The following APBB2 variants were observed in gnomAD, a reference collection of about 807,000 sequenced individuals.
APBB2 encodes amyloid beta precursor protein binding family B member 2.
In APBB2, 38 loss-of-function variants were observed where a neutral mutation model predicts 82.5. That is an observed-to-expected ratio of 0.46 (90% CI 0.36 to 0.60). APBB2 has a LOEUF of 0.60. Among genes scored for constraint, APBB2 ranks in the 20% least tolerant of loss-of-function variants. The probability of loss-of-function intolerance (pLI) is 0.00; values close to 1 mark genes in which losing one functional copy is unlikely to be tolerated. For missense variants in APBB2, 772 were observed against 972.3 expected (o/e 0.79, Z 2.74); for synonymous variants, 341 against 368.2 (o/e 0.93, Z 0.85).
intron 4 of APBB2, among the ~76,000 whole-genome samples, chr4:41,045,225 C>T (rs758448325): frequency 2.8e-4 from 42 of 151,804 alleles, no homozygotes; most frequent in Non-Finnish European, 5.7e-4. Context: ...CTTTCATCTC[C>T]TGTATAATTT....
chr4:40,830,781 G>T (rs1379280611), intron 12 of APBB2, among the ~76,000 whole-genome samples: 1 of 152,134 alleles, frequency 6.6e-6, no homozygotes, highest in Admixed American at 6.5e-5. Flanking sequence ...AAATACCTAC[G>T]ATGTGGGCTA....
At chr4:41,024,183 C>T (rs1712975826) in intron 5 of APBB2, among the ~76,000 whole-genome samples, 1 of 152,158 alleles carries the variant, frequency 6.6e-6, no homozygotes, top group Admixed American at 6.5e-5. Flanking sequence ...AAAATCAACT[C>T]AAGATGAATT....
chr4:41,135,772 A>G (rs553778952), intron 2 of APBB2, among the ~76,000 whole-genome samples: 1 of 152,376 alleles, frequency 6.6e-6, no homozygotes, highest in South Asian at 2.1e-4. Context: ...TGTATTTGTC[A>G]TAAACATCCT....
intron 12 of APBB2, chr4:40,848,894 T>C (rs1758461653): frequency 5.1e-6 from 5 of 985,366 alleles, no homozygotes; most frequent in Non-Finnish European, 6.0e-6. Flanking sequence ...CCAGTCATTG[T>C]CAACATTCAC....
chr4:41,014,409 A>T lies in APBB2; in HGVS notation c.20-11T>A. The T allele has an allele frequency of 6.2e-7, 1 of 1,612,068 alleles. No individual in the cohort carries two copies. The highest frequency in any genetic ancestry group is 8.5e-7 in the Non-Finnish European group (1 of 1,178,778). On this transcript the variant is annotated splice_polypyrimidine_tract_variant and intron_variant, in intron 5 of 17. Transcript: ENST00000508593. ...CAACACCTGAGTCAGCTGGGGAAAA[A>T]AAAAGTCATTAGACACCTGCCATGA... is the stretch of plus-strand genomic sequence containing the variant.
At position 41,063,924 on chromosome 4, in the gene APBB2, C is replaced by T. The variant is rs1281039748; in HGVS notation, c.-51+1652G>A. ...AAACTCCTGGGCTCAAGTGATCTGC[C>T]TACCTCAGCCTCCCAAAATGCTGGG... On this transcript the variant is annotated intron_variant, in intron 4 of 17. Coordinates refer to ENST00000508593, the MANE Select transcript of APBB2 (RefSeq NM_004307.2). 2.7e-5 allele frequency among the ~76,000 whole-genome samples: 4 copies of T among 149,586 alleles called. No individual in the cohort carries two copies. In the Admixed American group the frequency reaches 2.7e-4, roughly 10 times the overall value.
chr4:40,955,330 T>A (rs1791323922), intron 6 of APBB2, among the ~76,000 whole-genome samples: 1 of 152,220 alleles, frequency 6.6e-6, no homozygotes, highest in African/African-American at 2.4e-5. Flanking sequence ...TGTATGTCAT[T>A]ACAACAGAAA....
chr4:40,987,469 T>C lies in APBB2; in HGVS notation c.835+26114A>G, dbSNP rs1800693558. 5.3e-5 allele frequency among the ~76,000 whole-genome samples: 8 copies of C among 152,344 alleles called. No homozygotes were observed. The South Asian group carries it at 1.4e-3, about 28-fold the overall frequency. ...TAATGTGCCTCGTTCTCTTTAAGTA[T>C]TGATTTGTGCCTAAAGGATAAGATG... On this transcript the variant is annotated intron_variant, in intron 6 of 17. Coordinates refer to ENST00000508593, the MANE Select transcript of APBB2 (RefSeq NM_004307.2).
intron 4 of APBB2, among the ~76,000 whole-genome samples, chr4:41,052,751 A>G (rs919026725): frequency 4.0e-5 from 6 of 150,088 alleles, no homozygotes; most frequent in African/African-American, 1.5e-4. Context: ...CCTTTGGGAC[A>G]ATTTTTCTTT....
chr4:40,971,812 G>C (rs950538661), intron 6 of APBB2, among the ~76,000 whole-genome samples: 1 of 152,086 alleles, frequency 6.6e-6, no homozygotes, highest in Non-Finnish European at 1.5e-5. Context: ...ATTAAAATTA[G>C]TGAAAGTAAT....
chr4:40,895,159 G>A (rs1773319873), intron 10 of APBB2, among the ~76,000 whole-genome samples: 1 of 152,120 alleles, frequency 6.6e-6, no homozygotes, highest in Non-Finnish European at 1.5e-5. Context: ...TTCCTGAGCG[G>A]ATGATCACAC....
At chr4:41,199,512 G>T (rs989339851) in intron 1 of APBB2, among the ~76,000 whole-genome samples, 1 of 152,170 alleles carries the variant, frequency 6.6e-6, no homozygotes, top group Non-Finnish European at 1.5e-5. Context: ...TTGCACTAAA[G>T]CAACACCTTT....
intron 1 of APBB2, among the ~76,000 whole-genome samples, chr4:41,157,355 A>G (rs1434882533): frequency 2.0e-5 from 3 of 152,106 alleles, no homozygotes; most frequent in Non-Finnish European, 2.9e-5. Flanking sequence ...ACCTTCTAAC[A>G]CTAGGTTGGT....
At chr4:41,087,089 G>A (rs1740039020) in intron 3 of APBB2, among the ~76,000 whole-genome samples, 1 of 152,158 alleles carries the variant, frequency 6.6e-6, no homozygotes, top group Non-Finnish European at 1.5e-5. Context: ...ATAGAGAATT[G>A]TGATCACACC....
intron 6 of APBB2, among the ~76,000 whole-genome samples, chr4:40,947,592 C>T (rs547824678): frequency 1.3e-4 from 20 of 152,304 alleles, no homozygotes; most frequent in South Asian, 6.2e-4. Context: ...ACTAAGCTTA[C>T]GCTGAGATTT....
chr4:41,114,968 A>T (rs1489396758), intron 2 of APBB2, among the ~76,000 whole-genome samples: 1 of 152,260 alleles, frequency 6.6e-6, no homozygotes, highest in Non-Finnish European at 1.5e-5. Context: ...ATTAGAAAAT[A>T]CTACTTTAAA....
intron 6 of APBB2, chr4:40,990,320 GTCTC>G (rs1220988031): frequency 6.6e-6 from 1 of 151,146 alleles, no homozygotes; most frequent in Non-Finnish European, 1.5e-5. Flanking sequence ...CTCCCCTCTT[GTCTC>G]TCTCTCTCTT....
chr4:40,856,471 A>C (rs143553116), intron 12 of APBB2, among the ~76,000 whole-genome samples: 32 of 152,374 alleles, frequency 2.1e-4, no homozygotes, highest in African/African-American at 7.2e-4. Context: ...CTCGCATGGA[A>C]GTCACACCAA....
At chr4:41,087,010 T>C (rs1740001175) in intron 3 of APBB2, among the ~76,000 whole-genome samples, 1 of 152,012 alleles carries the variant, frequency 6.6e-6, no homozygotes, top group South Asian at 2.1e-4. Flanking sequence ...CATGGTGGCA[T>C]GTATCTATAG....
Sources: allele counts gnomAD v4.1 joint callset (sites outside exome capture counted in the v4.1 genomes callset), GRCh38; gene constraint gnomAD v4.1.1; transcripts MANE v1.5; gene names NCBI Gene and HGNC (gene_info 2026-07-23, HGNC 2026-07-21).